The following MTA3 variants were observed in gnomAD, a reference collection of about 807,000 sequenced individuals.
MTA3 encodes the protein metastasis associated 1 family member 3.
A neutral mutation model predicts 83.5 loss-of-function variants in MTA3; 34 were observed. The observed-to-expected ratio is 0.41, with a 90% CI of 0.31 to 0.54. The LOEUF (loss-of-function observed/expected upper bound fraction) is 0.54. Among genes scored for constraint, MTA3 ranks in the 20% least tolerant of loss-of-function variants. The probability of loss-of-function intolerance (pLI) is 0.33; values close to 1 mark genes in which losing one functional copy is unlikely to be tolerated. For missense variants in MTA3, 761 were observed against 726.4 expected (o/e 1.05, Z -0.55); for synonymous variants, 303 against 252.7 (o/e 1.20, Z -1.89).
At chr2:42,636,439 G>A (rs1687201277) in intron 4 of MTA3, among the ~76,000 whole-genome samples, 1 of 151,994 alleles carries the variant, frequency 6.6e-6, no homozygotes, top group Non-Finnish European at 1.5e-5. Flanking sequence ...CTACTGGGGA[G>A]GCTGAGGTGG....
chr2:42,712,557 A>T (rs1056084753), intron 14 of MTA3, among the ~76,000 whole-genome samples: 1 of 152,194 alleles, frequency 6.6e-6, no homozygotes, highest in South Asian at 2.1e-4. Context: ...TTATATGTGA[A>T]TGTATAAATC....
chr2:42,539,612 T>C (rs1210250157), intron 2 of MTA3, among the ~76,000 whole-genome samples: 1 of 149,404 alleles, frequency 6.7e-6, no homozygotes, highest in Non-Finnish European at 1.5e-5. Context: ...GACAGGGTCT[T>C]GCTTTGTCTC....
chr2:42,628,588 C>G (rs144930417), intron 4 of MTA3, among the ~76,000 whole-genome samples: 3 of 152,284 alleles, frequency 2.0e-5, no homozygotes, highest in African/African-American at 7.2e-5. Flanking sequence ...TTGGCTTTGC[C>G]TGTCATTTAA....
chr2:42,659,280 T>G (rs962993108), intron 7 of MTA3, among the ~76,000 whole-genome samples: 5 of 152,180 alleles, frequency 3.3e-5, no homozygotes, highest in African/African-American at 1.2e-4. Flanking sequence ...AAATGAGATT[T>G]TAGTAGAAAT....
At chr2:42,577,369 T>C (rs994461252) in intron 2 of MTA3, among the ~76,000 whole-genome samples, 1 of 151,660 alleles carries the variant, frequency 6.6e-6, no homozygotes, top group Non-Finnish European at 1.5e-5. Flanking sequence ...TGAACTATGC[T>C]CCCCGCCCCC....
chr2:42,695,866 A>AT, intron 10 of MTA3, 27 bp downstream of exon 10: 4 of 1,386,990 alleles, frequency 2.9e-6, no homozygotes, highest in Non-Finnish European at 4.0e-6. Context: ...TGCTACCAAT[A>AT]TGGTTGCATT....
chr2:42,532,369 G>T (rs1475498945), intron 2 of MTA3, among the ~76,000 whole-genome samples: 2 of 152,126 alleles, frequency 1.3e-5, no homozygotes, highest in African/African-American at 4.8e-5. Flanking sequence ...AATTAGCCAG[G>T]TGTCATGGCG....
intron 4 of MTA3, among the ~76,000 whole-genome samples, chr2:42,639,344 T>C (rs1321878008): frequency 2.6e-5 from 4 of 152,156 alleles, no homozygotes; most frequent in Admixed American, 6.6e-5. Context: ...TAAAGAAACA[T>C]TGTGTGAGCC....
intron 4 of MTA3, among the ~76,000 whole-genome samples, chr2:42,612,901 G>A (rs1423147206): frequency 3.3e-5 from 5 of 152,002 alleles, no homozygotes; most frequent in African/African-American, 7.2e-5. Context: ...AAGAAGTTAC[G>A]TGGCCAGTCT....
intron 8 of MTA3, among the ~76,000 whole-genome samples, chr2:42,678,173 G>T (rs569879115): frequency 6.6e-6 from 1 of 151,802 alleles, no homozygotes; most frequent in African/African-American, 2.4e-5. Flanking sequence ...TGCTGCAGAA[G>T]AGTGAGAGGA....
In MTA3 at chr2:42,722,922, G is replaced by A. The variant is rs758623002; in HGVS notation, c.1646G>A (p.Arg549Gln). 2.5e-5 allele frequency: 39 copies of A among 1,546,730 alleles called. No homozygotes were observed. The African/African-American group carries it at 3.6e-4, about 14-fold the overall frequency. The change falls in exon 16 of 17, where the codon CGA (arginine) becomes CAA (glutamine). Residue 549 changes from arginine to glutamine, a missense_variant. Arg to Gln is a conservative substitution (Grantham distance 43). Coordinates refer to ENST00000405094, the MANE Select transcript of MTA3 (RefSeq NM_001330442.2). ...CCTGCAAAGAAACCTAATGTAATTCGATCTACACCAAGCCTGCAAACCCCA... is the reference window on the plus strand; with the variant it reads ...CCTGCAAAGAAACCTAATGTAATTCAATCTACACCAAGCCTGCAAACCCCA... ...IHPAKKPNVIRSTPSLQTPTT... is the reference protein window; with the variant it reads ...IHPAKKPNVIQSTPSLQTPTT...
chr2:42,706,996 C>T (rs1441914973), intron 12 of MTA3, among the ~76,000 whole-genome samples: 1 of 151,900 alleles, frequency 6.6e-6, no homozygotes, highest in Non-Finnish European at 1.5e-5. Flanking sequence ...CTCCTCCTCC[C>T]CGCTTCCCTC....
At chr2:42,557,743 A>G (rs1251969417) in intron 2 of MTA3, among the ~76,000 whole-genome samples, 1 of 152,190 alleles carries the variant, frequency 6.6e-6, no homozygotes, top group Non-Finnish European at 1.5e-5. Flanking sequence ...TTTTGAAATC[A>G]AGAGTGCAAA....
intron 2 of MTA3, among the ~76,000 whole-genome samples, chr2:42,531,766 G>GT (rs982817060): frequency 5.3e-4 from 77 of 145,462 alleles, no homozygotes; most frequent in African/African-American, 1.7e-3. Flanking sequence ...CCAGCTTTTT[G>GT]TTTTTTTTGA....
In MTA3 at chr2:42,587,234, C is replaced by G. The variant is rs1025677657; in HGVS notation, c.190+8034C>G. Among the ~76,000 whole-genome samples, 4 of 152,098 alleles carry G rather than the reference C, an allele frequency of 2.6e-5. No individual in the cohort carries two copies. In the East Asian group the frequency reaches 5.8e-4, roughly 22 times the overall value. On this transcript the variant is annotated intron_variant, in intron 3 of 16. Transcript: ENST00000405094. ...TAAAAAATAAAACGTTAGTACAGAT[C>G]GCTGGAGGTTGAGGCTGCAGTAAGC...
At chr2:42,680,520 G>A (rs766860339) in intron 8 of MTA3, among the ~76,000 whole-genome samples, 1 of 152,190 alleles carries the variant, frequency 6.6e-6, no homozygotes, top group Admixed American at 6.5e-5. Context: ...GTCTGGGTGG[G>A]GGTGAGAGGT....
At chr2:42,517,393 G>A (rs758709371) in intron 2 of MTA3, among the ~76,000 whole-genome samples, 15 of 151,892 alleles carry the variant, frequency 9.9e-5, no homozygotes, top group Non-Finnish European at 1.9e-4. Flanking sequence ...CCAACATGGT[G>A]AAACCTCATC....
At chr2:42,689,338 A>G (rs1053803441) in intron 9 of MTA3, among the ~76,000 whole-genome samples, 1 of 152,172 alleles carries the variant, frequency 6.6e-6, no homozygotes, top group African/African-American at 2.4e-5. Context: ...GTTGTTTTGA[A>G]TCTATGTTAA....
intron 2 of MTA3, among the ~76,000 whole-genome samples, chr2:42,549,955 T>A (rs1677040933): frequency 6.6e-6 from 1 of 151,556 alleles, no homozygotes; most frequent in Admixed American, 6.7e-5. Context: ...GCTGATCAGA[T>A]TGATTGTTGC....
Sources: gnomAD v4.1 joint callset for allele counts (sites outside exome capture counted in the v4.1 genomes callset) on GRCh38, gnomAD v4.1.1 for gene constraint, MANE v1.5 for transcripts, NCBI Gene and HGNC (gene_info 2026-07-23, HGNC 2026-07-21) for gene names.